Variants in FGF12 observed in about 807,000 individuals in gnomAD.
FGF12 encodes fibroblast growth factor 12, also known as fibroblast growth factor 12B.
A neutral mutation model predicts 23.6 loss-of-function variants in FGF12; 14 were observed. The observed-to-expected ratio is 0.59, with a 90% CI of 0.39 to 0.93. The LOEUF is 0.93. FGF12 is among the 40% of genes least tolerant of loss of function. FGF12 has a pLI of 0.00. For missense variants in FGF12, 175 were observed against 217.8 expected (o/e 0.80, Z 1.24); for synonymous variants, 62 against 77.3 (o/e 0.80, Z 1.04).
Position 192,317,644 on chromosome 3 carries a change from G to T in FGF12, c.228+17717C>A, listed in dbSNP as rs138981895. The stretch of plus-strand genomic sequence containing the variant: ...CCAGATGGTATATCTGAACCTACAT[G>T]GGGGAAAAGGGAACTCGCTGCCTTG... On this transcript the variant is annotated intron_variant, in intron 4 of 5. Coordinates refer to ENST00000445105, the MANE Select transcript of FGF12 (RefSeq NM_004113.6). Among the ~76,000 whole-genome samples the T allele has an allele frequency of 1.3e-3, 195 of 152,256 alleles. 1 individual carries two copies. Among genetic ancestry groups the T allele is most frequent in the African/African-American group, 4.4e-3 (184 of 41,558 alleles).
At chr3:192,520,329 A>T (rs906110109) in intron 2 of FGF12, among the ~76,000 whole-genome samples, 2 of 152,172 alleles carry the variant, frequency 1.3e-5, no homozygotes, top group South Asian at 4.1e-4. Context: ...CTTCTTTCTG[A>T]CAGTGAAAGG....
intron 2 of FGF12, among the ~76,000 whole-genome samples, chr3:192,474,982 CT>C (rs1275305980): frequency 1.3e-5 from 2 of 151,918 alleles, no homozygotes; most frequent in African/African-American, 4.8e-5. Flanking sequence ...GCTCTTGAGT[CT>C]TTTGCCTAGT....
At chr3:192,650,717 T>G (rs541398347) in intron 2 of FGF12, among the ~76,000 whole-genome samples, 1 of 152,314 alleles carries the variant, frequency 6.6e-6, no homozygotes, top group South Asian at 2.1e-4. Flanking sequence ...AAATCTGAAG[T>G]ATTCTTGACC....
At chr3:192,439,513 T>G (rs544451003) in intron 2 of FGF12, among the ~76,000 whole-genome samples, 68 of 152,304 alleles carry the variant, frequency 4.5e-4, no homozygotes, top group African/African-American at 1.6e-3. Flanking sequence ...GCAGTTTCCT[T>G]CTATGTGCTG....
At chr3:192,354,282 G>C (rs1235377446) in intron 3 of FGF12, among the ~76,000 whole-genome samples, 1 of 151,966 alleles carries the variant, frequency 6.6e-6, no homozygotes, top group Non-Finnish European at 1.5e-5. Flanking sequence ...AGAATCTTAA[G>C]AAATAAATTC....
At position 192,142,217 on chromosome 3, in the gene FGF12, C is replaced by T. The variant is rs1326677147; in HGVS notation, c.*1792G>A. 1 of 152,490 alleles carries T rather than the reference C, an allele frequency of 6.6e-6. No individual in the cohort carries two copies. The highest frequency in any genetic ancestry group is 1.5e-5 in the Non-Finnish European group (1 of 67,934). 9.4% of individuals were successfully genotyped at this position (152,490 alleles called of 1,614,324 possible). On this transcript the variant is annotated 3_prime_UTR_variant, in exon 6 of 6. Transcript: ENST00000445105. Reference sequence around the variant, plus strand: ...CCTTCATTTCATTTTCTGCTAACCTCTAGATAACAGAAATAGGATACCTGG... The same window carrying T: ...CCTTCATTTCATTTTCTGCTAACCTTTAGATAACAGAAATAGGATACCTGG...
intron 2 of FGF12, among the ~76,000 whole-genome samples, chr3:192,582,984 T>C (rs932997156): frequency 1.3e-5 from 2 of 152,148 alleles, no homozygotes; most frequent in African/African-American, 4.8e-5. Flanking sequence ...TCATCACATA[T>C]AGCCTGGCCT....
At chr3:192,567,785 C>CT (rs1220981969) in intron 2 of FGF12, among the ~76,000 whole-genome samples, 3 of 132,678 alleles carry the variant, frequency 2.3e-5, no homozygotes, top group Non-Finnish European at 5.0e-5. Flanking sequence ...TTCTTTCTTT[C>CT]TTTCTTTCTT....
intron 2 of FGF12, among the ~76,000 whole-genome samples, chr3:192,510,368 T>C (rs1238740703): frequency 1.3e-5 from 2 of 152,182 alleles, no homozygotes; most frequent in African/African-American, 4.8e-5. Flanking sequence ...AGCAAGGATA[T>C]GAAAAGATAT....
At chr3:192,162,636 T>C (rs1714946289) in intron 5 of FGF12, among the ~76,000 whole-genome samples, 1 of 152,110 alleles carries the variant, frequency 6.6e-6, no homozygotes, top group Non-Finnish European at 1.5e-5. Context: ...GCAGAGAGGT[T>C]CTTTTTTGCT....
chr3:192,372,953 T>C (rs9815069), intron 2 of FGF12, among the ~76,000 whole-genome samples: 78,047 of 152,022 alleles, frequency 0.51, 23,450 homozygotes, highest in African/African-American at 0.8. Flanking sequence ...GGGATTTTTG[T>C]ACCTGCATTT....
At chr3:192,170,365 C>T (rs1715485463) in intron 5 of FGF12, 93 bp downstream of exon 5, 1 of 945,292 alleles carries the variant, frequency 1.1e-6, no homozygotes, top group Non-Finnish European at 1.7e-6. Context: ...CTGTTGCATT[C>T]CAGGCAAACT....
In FGF12 at chr3:192,140,777, C is replaced by T. The variant is rs1045467695; in HGVS notation, c.*3232G>A. 1.2e-4 allele frequency: 18 copies of T among 151,824 alleles called. No homozygotes were observed. The highest frequency in any genetic ancestry group is 3.9e-4 in the African/African-American group (16 of 41,368). 9.4% of individuals were successfully genotyped at this position (151,824 alleles called of 1,614,324 possible). On this transcript the variant is annotated 3_prime_UTR_variant, in exon 6 of 6. Coordinates refer to ENST00000445105, the MANE Select transcript of FGF12 (RefSeq NM_004113.6). ...CCAATCCATAATGGCTAAAAATGTG[C>T]TATTAAATTGTATGTAAATTTCAAA...
chr3:192,696,533 GA>G (rs1202371889), intron 2 of FGF12, among the ~76,000 whole-genome samples: 1 of 152,084 alleles, frequency 6.6e-6, no homozygotes, highest in Admixed American at 6.6e-5. Context: ...GCTATGAAGG[GA>G]TTGTGGAGTG....
intron 2 of FGF12, among the ~76,000 whole-genome samples, chr3:192,398,693 G>T (rs985112864): frequency 6.6e-6 from 1 of 152,128 alleles, no homozygotes; most frequent in Non-Finnish European, 1.5e-5. Flanking sequence ...CTTATATATA[G>T]CTCCCTTGTT....
At chr3:192,286,674 G>A (rs1171433679) in intron 4 of FGF12, among the ~76,000 whole-genome samples, 2 of 152,024 alleles carry the variant, frequency 1.3e-5, no homozygotes, top group Admixed American at 6.6e-5. Flanking sequence ...TATCTATTGT[G>A]TTAATTAATA....
intron 4 of FGF12, among the ~76,000 whole-genome samples, chr3:192,315,030 A>G (rs1048731760): frequency 3.3e-5 from 5 of 152,228 alleles, no homozygotes; most frequent in African/African-American, 4.8e-5. Flanking sequence ...CAGTGGCCTC[A>G]AAATAAAGTT....
At chr3:192,686,090 C>T (rs1560194187) in intron 2 of FGF12, among the ~76,000 whole-genome samples, 1 of 152,118 alleles carries the variant, frequency 6.6e-6, no homozygotes, top group South Asian at 2.1e-4. Context: ...TTTTCATGTG[C>T]TGATTTCGTA....
At chr3:192,180,277 G>C (rs1484609308) in intron 4 of FGF12, among the ~76,000 whole-genome samples, 2 of 152,164 alleles carry the variant, frequency 1.3e-5, no homozygotes, top group African/African-American at 4.8e-5. Flanking sequence ...AGTGAGGTGG[G>C]AGAAAGCCAG....
Sources: allele counts gnomAD v4.1 joint callset (sites outside exome capture counted in the v4.1 genomes callset), GRCh38; gene constraint gnomAD v4.1.1; transcripts MANE v1.5; gene names NCBI Gene and HGNC (gene_info 2026-07-23, HGNC 2026-07-21).